Variants in XPR1 observed in about 807,000 individuals in gnomAD.
XPR1 encodes the protein xenotropic and polytropic retrovirus receptor 1, also known as solute carrier family 53 member 1.
A neutral mutation model predicts 87.5 loss-of-function variants in XPR1; 28 were observed. That is an observed-to-expected ratio of 0.32 (90% CI 0.24 to 0.44). XPR1 has a LOEUF of 0.44. XPR1 is among the 20% of genes least tolerant of loss of function. XPR1 has a pLI of 1.00. For missense variants in XPR1, 559 were observed against 862.3 expected (o/e 0.65, Z 4.41); for synonymous variants, 300 against 306.1 (o/e 0.98, Z 0.21).
chr1:180,644,967 C>T (rs770541156), intron 1 of XPR1, among the ~76,000 whole-genome samples: 19 of 151,888 alleles, frequency 1.3e-4, no homozygotes, highest in African/African-American at 3.9e-4. Context: ...CAGTCTACTC[C>T]GTAATCTGGT....
chr1:180,836,804 T>G, intron 11 of XPR1, 88 bp downstream of exon 11: 1 of 1,455,572 alleles, frequency 6.9e-7, no homozygotes, highest in Admixed American at 1.9e-5. Context: ...CTTTTCCATT[T>G]GTCATGCTCT....
At chr1:180,728,543 C>G (rs1224016552) in intron 2 of XPR1, among the ~76,000 whole-genome samples, 1 of 152,202 alleles carries the variant, frequency 6.6e-6, no homozygotes, top group Non-Finnish European at 1.5e-5. Context: ...AACTAATTCT[C>G]AGGTGGTTCC....
chr1:180,678,977 C>T (rs1056690887), intron 1 of XPR1, among the ~76,000 whole-genome samples: 6 of 151,800 alleles, frequency 4.0e-5, no homozygotes, highest in South Asian at 2.1e-4. Flanking sequence ...GGGTGGATCA[C>T]GAGGTCAGGA....
intron 1 of XPR1, among the ~76,000 whole-genome samples, chr1:180,662,639 C>A (rs1655819206): frequency 6.6e-6 from 1 of 152,106 alleles, no homozygotes; most frequent in African/African-American, 2.4e-5. Context: ...TGTTCTATAA[C>A]CTTCTTGTAG....
chr1:180,882,426 G>C (rs1381562240), intron 14 of XPR1, among the ~76,000 whole-genome samples: 1 of 152,158 alleles, frequency 6.6e-6, no homozygotes, highest in African/African-American at 2.4e-5. Flanking sequence ...GCACGATCAT[G>C]ACTCACTGCA....
At chr1:180,852,778 C>T (rs963592942) in intron 11 of XPR1, among the ~76,000 whole-genome samples, 8 of 152,176 alleles carry the variant, frequency 5.3e-5, no homozygotes, top group African/African-American at 1.4e-4. Context: ...CCTCTCACTT[C>T]GGCCTCCCAA....
rs71297873 is a variant in XPR1 at position 180,748,400 on chromosome 1, C to CTTTTTTTTTTTTTTTTTTTTTTTTTTTT, written c.122-39345_122-39318dup. ...TGCTACTCTGTGTTATTATTTATGTCTTTTTTTTTTTTTTTTTTTTTTTTT... is the reference window on the plus strand; with the variant it reads ...TGCTACTCTGTGTTATTATTTATGTCTTTTTTTTTTTTTTTTTTTTTTTTTTTTTTTTTTTTTTTTTTTTTTTTTTTTT... On this transcript the variant is annotated intron_variant, in intron 2 of 14. Coordinates refer to ENST00000367590, the MANE Select transcript of XPR1 (RefSeq NM_004736.4). Among the ~76,000 whole-genome samples the CTTTTTTTTTTTTTTTTTTTTTTTTTTTT allele has an allele frequency of 4.7e-4, 14 of 29,678 alleles. 4 individuals are homozygous for CTTTTTTTTTTTTTTTTTTTTTTTTTTTT. Among genetic ancestry groups the CTTTTTTTTTTTTTTTTTTTTTTTTTTTT allele is most frequent in the Non-Finnish European group, 8.6e-4 (12 of 14,018 alleles). The allele number at this position is 29,678 out of a possible 152,430, so 19.5% of individuals were successfully genotyped here.
intron 6 of XPR1, among the ~76,000 whole-genome samples, chr1:180,809,331 T>C (rs746736170): frequency 6.6e-6 from 1 of 152,202 alleles, no homozygotes; most frequent in Non-Finnish European, 1.5e-5. Flanking sequence ...ATATGTTCTT[T>C]GTCTTGATTA....
chr1:180,690,829 A>G (rs1462809782), intron 2 of XPR1, among the ~76,000 whole-genome samples: 1 of 151,412 alleles, frequency 6.6e-6, no homozygotes, highest in Non-Finnish European at 1.5e-5. Flanking sequence ...TTGAGTAGGA[A>G]TAAAAGTGAA....
At chr1:180,666,684 A>G (rs991336140) in intron 1 of XPR1, among the ~76,000 whole-genome samples, 1 of 152,184 alleles carries the variant, frequency 6.6e-6, no homozygotes, top group African/African-American at 2.4e-5. Flanking sequence ...TCAGCTTTGT[A>G]TCAGCTACTT....
intron 12 of XPR1, among the ~76,000 whole-genome samples, chr1:180,866,602 C>T (rs2102211848): frequency 6.6e-6 from 1 of 152,172 alleles, no homozygotes; most frequent in East Asian, 1.9e-4. Context: ...TCAGTTAAGC[C>T]TAATAATAAA....
chr1:180,807,500 A>G (rs1273274070), intron 6 of XPR1, among the ~76,000 whole-genome samples: 1 of 152,240 alleles, frequency 6.6e-6, no homozygotes, highest in African/African-American at 2.4e-5. Flanking sequence ...TTCTGACAAA[A>G]GATGTGTAAG....
At chr1:180,875,810 A>AAAGT (rs1385167895) in intron 13 of XPR1, among the ~76,000 whole-genome samples, 1 of 152,112 alleles carries the variant, frequency 6.6e-6, no homozygotes, top group Non-Finnish European at 1.5e-5. Flanking sequence ...TACTGTTGAT[A>AAAGT]AAGTACTTAA....
intron 7 of XPR1, among the ~76,000 whole-genome samples, chr1:180,823,499 G>T (rs1650713996): frequency 6.6e-6 from 1 of 152,132 alleles, no homozygotes. Context: ...ATAAGTAAAT[G>T]TGAAAAACAA....
chr1:180,778,678 C>A (rs1041306944), intron 2 of XPR1, among the ~76,000 whole-genome samples: 1 of 152,122 alleles, frequency 6.6e-6, no homozygotes, highest in Non-Finnish European at 1.5e-5. Flanking sequence ...CCTTTGTCCC[C>A]TGAAAGACAA....
intron 1 of XPR1, among the ~76,000 whole-genome samples, chr1:180,644,017 A>G (rs1384646471): frequency 6.6e-6 from 1 of 152,148 alleles, no homozygotes; most frequent in Non-Finnish European, 1.5e-5. Context: ...GGCTTGGGCA[A>G]TAGTATATAA....
chr1:180,848,390 A>G (rs544575967), intron 11 of XPR1, among the ~76,000 whole-genome samples: 49 of 152,282 alleles, frequency 3.2e-4, no homozygotes, highest in African/African-American at 1.2e-3. Context: ...TTTAGCTTCT[A>G]CATATGAGTG....
chr1:180,837,053 C>G lies in XPR1; in HGVS notation c.1501+337C>G, dbSNP rs147199671. Among the ~76,000 whole-genome samples the G allele has an allele frequency of 1.3e-3, 197 of 152,144 alleles. 4 individuals are homozygous for G. In the East Asian group the frequency reaches 0.035, roughly 27 times the overall value. On this transcript the variant is annotated intron_variant, in intron 11 of 14. Transcript: ENST00000367590. Reference sequence around the variant, plus strand: ...GTTCATTAATGAGGTTGGGAAATGTCTTGGTGAAAAAAAATTCCCTGTGGC... The same window carrying G: ...GTTCATTAATGAGGTTGGGAAATGTGTTGGTGAAAAAAAATTCCCTGTGGC...
chr1:180,767,659 A>C (rs1455719835), intron 2 of XPR1, among the ~76,000 whole-genome samples: 2 of 152,226 alleles, frequency 1.3e-5, no homozygotes, highest in Non-Finnish European at 2.9e-5. Flanking sequence ...AATCTGGGAA[A>C]GTATACCTCA....
Sources: allele counts gnomAD v4.1 joint callset (sites outside exome capture counted in the v4.1 genomes callset), GRCh38; gene constraint gnomAD v4.1.1; transcripts MANE v1.5; gene names NCBI Gene and HGNC (gene_info 2026-07-23, HGNC 2026-07-21).